SULT2B1: variants seen among roughly 807,000 people sequenced by gnomAD.
SULT2B1 encodes the protein sulfotransferase family 2B member 1, also known as sulfotransferase 2B1.
Under a neutral mutation model 33.2 loss-of-function variants are expected in SULT2B1, and 16 were observed. That is an observed-to-expected ratio of 0.48 (90% CI 0.33 to 0.73). The LOEUF (loss-of-function observed/expected upper bound fraction) is 0.73. Ranked by LOEUF, SULT2B1 falls within the 30% of genes least tolerant of loss-of-function variation. The pLI is 0.02. For synonymous variants in SULT2B1, 186 were observed against 200.5 expected, an observed-to-expected ratio of 0.93 and a Z score of 0.61; for missense variants, 500 against 506.0, an observed-to-expected ratio of 0.99 and a Z score of 0.11.
chr19:48,571,348 C>G (rs977612448), intron 1 of SULT2B1, among the ~76,000 whole-genome samples: 2 of 151,822 alleles, frequency 1.3e-5, no homozygotes, highest in African/African-American at 4.8e-5. Context: ...AGGCGCCCAC[C>G]ACCGTGCCCA....
Position 48,599,112 on chromosome 19 carries a change from C to G in SULT2B1, c.827-23C>G. On this transcript the variant is annotated intron_variant, in intron 6 of 6. Coordinates refer to ENST00000201586, the MANE Select transcript of SULT2B1 (RefSeq NM_177973.2). This position sits in a 1 kb window ranked among gnomAD's most constrained non-coding sequence, Gnocchi z 4.1. The stretch of plus-strand genomic sequence containing the variant: ...CAGTGCTCCCCAGAGGCTCCTCACC[C>G]CCTGGTGCCCCCTCTTCTCCAGGGG... 1 of 1,554,534 alleles carries G rather than the reference C, an allele frequency of 6.4e-7. No homozygotes were observed. The highest frequency in any genetic ancestry group is 1.4e-5 in the African/African-American group (1 of 73,560).
intron 2 of SULT2B1, among the ~76,000 whole-genome samples, chr19:48,581,991 G>A (rs1253989373): frequency 2.6e-5 from 4 of 151,198 alleles, no homozygotes; most frequent in Admixed American, 1.3e-4. Context: ...TGCAACCTCC[G>A]CCTCCTGGGT....
intron 2 of SULT2B1, among the ~76,000 whole-genome samples, chr19:48,576,295 G>T (rs1973405361): frequency 6.7e-6 from 1 of 150,028 alleles, no homozygotes; most frequent in Admixed American, 6.7e-5. Context: ...CACCTTCCCT[G>T]ACCTCCCTGG....
rs553877499 is a variant in SULT2B1 at position 48,552,186 on chromosome 19, C to T, written c.-67C>T. The stretch of plus-strand genomic sequence containing the variant: ...CCCCAGGTGGCAGACGCTGTCGCTG[C>T]GCACACCTGGCCTCTGTGCCGCCTG... On this transcript the variant is annotated 5_prime_UTR_variant, in exon 1 of 7. Transcript: ENST00000201586. The surrounding 1 kb of genome is among the most constrained non-coding windows in gnomAD (Gnocchi z 4.8). The T allele has an allele frequency of 2.6e-5, 40 of 1,515,934 alleles. No homozygotes were observed. In the East Asian group the frequency reaches 4.4e-4, roughly 17 times the overall value. 93.9% of individuals were successfully genotyped at this position (1,515,934 alleles called of 1,614,324 possible).
At chr19:48,592,926 C>A in intron 5 of SULT2B1, 110 bp downstream of exon 5, 2 of 906,174 alleles carry the variant, frequency 2.2e-6, no homozygotes, top group Non-Finnish European at 3.4e-6. Context: ...CCATGCAATG[C>A]GCCAGCCCCT....
intron 6 of SULT2B1, 83 bp downstream of exon 6, chr19:48,597,002 TCA>T: frequency 7.3e-7 from 1 of 1,366,988 alleles, no homozygotes; most frequent in South Asian, 1.4e-5. Context: ...TCTCTGGGCC[TCA>T]GTTTCTCACC....
At chr19:48,591,885 G>GAGA (rs3833253) in intron 4 of SULT2B1, 150 bp downstream of exon 4, 819,002 of 859,284 alleles carry the variant, frequency 0.95, 391,938 homozygotes, top group African/African-American at 0.99. Flanking sequence ...AGGTGGCCAG[G>GAGA]AGAAGAGACG....
chr19:48,593,497 G>A (rs1601112581), intron 5 of SULT2B1, among the ~76,000 whole-genome samples: 1 of 149,982 alleles, frequency 6.7e-6, no homozygotes, highest in Non-Finnish European at 1.5e-5. Context: ...GGTTGCAGTG[G>A]GCTGAGATCA....
chr19:48,597,034 A>T, intron 6 of SULT2B1, 115 bp downstream of exon 6: 1 of 1,180,740 alleles, frequency 8.5e-7, no homozygotes, highest in Non-Finnish European at 1.2e-6. Context: ...CATTGGGTGA[A>T]CAGGGTCACT....
intron 1 of SULT2B1, among the ~76,000 whole-genome samples, chr19:48,557,115 T>C (rs1973109401): frequency 6.6e-6 from 1 of 151,862 alleles, no homozygotes; most frequent in South Asian, 2.1e-4. Context: ...AAACAAGGAA[T>C]TGACCAGAAT....
intron 3 of SULT2B1, among the ~76,000 whole-genome samples, chr19:48,588,512 CAAA>C (rs60798824): frequency 7.2e-6 from 1 of 139,800 alleles, no homozygotes; most frequent in Non-Finnish European, 1.6e-5. Flanking sequence ...AACTCCGTCT[CAAA>C]AAAAAAACCC....
chr19:48,591,458 G>C (rs900364335), intron 3 of SULT2B1, 151 bp from the exon 4 acceptor site: 1 of 871,596 alleles, frequency 1.1e-6, no homozygotes, highest in Non-Finnish European at 1.6e-6. Context: ...GCGAAACAGA[G>C]TCAGACTCCA....
chr19:48,553,916 A>G (rs996616307), intron 1 of SULT2B1, among the ~76,000 whole-genome samples: 1 of 152,176 alleles, frequency 6.6e-6, no homozygotes, highest in African/African-American at 2.4e-5. Flanking sequence ...GCTCGCCTCC[A>G]GGGTTCCCGC....
intron 4 of SULT2B1, among the ~76,000 whole-genome samples, chr19:48,592,205 T>C (rs1170666374): frequency 2.6e-5 from 4 of 152,004 alleles, no homozygotes; most frequent in Admixed American, 2.6e-4. Flanking sequence ...GACAGGAGAA[T>C]GGCTTGAACT....
At chr19:48,555,590 T>TCTCTCTCTCTC (rs60898646) in intron 1 of SULT2B1, among the ~76,000 whole-genome samples, 59 of 96,530 alleles carry the variant, frequency 6.1e-4, no homozygotes, top group African/African-American at 2.7e-3. Flanking sequence ...CTCTCTCTCT[T>TCTCTCTCTCTC]TTGAGACAGA....
chr19:48,591,472 C>CA (rs374133599), intron 3 of SULT2B1, 137 bp from the exon 4 acceptor site: 16,085 of 885,402 alleles, frequency 0.018, 8 homozygotes, highest in African/African-American at 0.023. Context: ...GACTCCATCG[C>CA]AAAAAAAAAA....
In SULT2B1 at chr19:48,599,013, T is replaced by A; in HGVS notation, c.827-122T>A. On this transcript the variant is annotated intron_variant, in intron 6 of 6. Coordinates refer to ENST00000201586, the MANE Select transcript of SULT2B1 (RefSeq NM_177973.2). The surrounding 1 kb of genome is among the most constrained non-coding windows in gnomAD (Gnocchi z 4.1). ...AATGTGGAGGGTAGGGAGGACGGTG[T>A]TTCTGGCAAAGGGAACACCTCGCCA... 1 of 1,464,638 alleles carries A rather than the reference T, an allele frequency of 6.8e-7. No individual in the cohort carries two copies. Among genetic ancestry groups the A allele is most frequent in the South Asian group, 1.4e-5 (1 of 72,132 alleles). The allele number at this position is 1,464,638 out of a possible 1,614,324, so 90.7% of individuals were successfully genotyped here.
At chr19:48,592,606 C>T (rs757596067) in intron 4 of SULT2B1, 116 bp from the exon 5 acceptor site, 84 of 850,800 alleles carry the variant, frequency 9.9e-5, no homozygotes, top group Non-Finnish European at 1.6e-4. Flanking sequence ...GGGCATCCAG[C>T]TCTGGGGGCT....
At chr19:48,556,056 A>C (rs774782433) in intron 1 of SULT2B1, among the ~76,000 whole-genome samples, 4 of 152,122 alleles carry the variant, frequency 2.6e-5, no homozygotes, top group Non-Finnish European at 5.9e-5. Context: ...TTGTATCTTT[A>C]GTAGAGAAAG....
Sources: gnomAD v4.1 joint callset for allele counts (sites outside exome capture counted in the v4.1 genomes callset) on GRCh38, gnomAD v4.1.1 for gene constraint, Gnocchi (gnomAD v3.1) non-coding constraint, MANE v1.5 for transcripts, NCBI Gene and HGNC (gene_info 2026-07-23, HGNC 2026-07-21) for gene names.